USP12: variants seen among roughly 807,000 people sequenced by gnomAD.
The protein encoded by USP12 is ubiquitin specific peptidase 12, also known as ubiquitin carboxyl-terminal hydrolase 12.
Under a neutral mutation model 45.5 loss-of-function variants are expected in USP12, and 19 were observed. The observed-to-expected ratio is 0.42, with a 90% CI of 0.29 to 0.61. USP12 has a LOEUF of 0.61. USP12 is among the 20% of genes least tolerant of loss of function. The pLI is 0.22. For synonymous variants in USP12, 149 were observed against 148.8 expected (o/e 1.00, Z -0.01); for missense variants, 242 against 447.7 (o/e 0.54, Z 4.15).
intron 1 of USP12, among the ~76,000 whole-genome samples, chr13:27,122,647 A>G (rs529041718): frequency 6.6e-6 from 1 of 151,038 alleles, no homozygotes; most frequent in South Asian, 2.1e-4. Flanking sequence ...GTGAGACCCC[A>G]TCTCAAAATA....
intron 1 of USP12, among the ~76,000 whole-genome samples, chr13:27,133,553 G>C (rs1213606700): frequency 1.3e-5 from 2 of 151,568 alleles, no homozygotes; most frequent in African/African-American, 4.9e-5. Flanking sequence ...GCATGAACCT[G>C]GGAGGGCGGA....
chr13:27,116,522 T>C lies in USP12; in HGVS notation c.123A>G (p.Leu41=), dbSNP rs755679282. The C allele has an allele frequency of 8.1e-6, 13 of 1,613,434 alleles. No homozygotes were observed. In the African/African-American group the frequency reaches 1.7e-4, roughly 22 times the overall value. ...CGTATCAATGGATACTTACATTGAC[T>C]AATCCAAAATAGTGCTCATTGACCG... ...QFPVNEHYFG[L]VNFGNTCYCN... is the part of the protein sequence containing the mutation. Residue 41 remains leucine (L), a synonymous_variant, in exon 2 of 9, where the codon TTA becomes TTG. Transcript: ENST00000282344.
chr13:27,145,228 G>A (rs1877259314), intron 1 of USP12, among the ~76,000 whole-genome samples: 1 of 152,160 alleles, frequency 6.6e-6, no homozygotes, highest in Non-Finnish European at 1.5e-5. Flanking sequence ...AAGAATGACA[G>A]GTGGCCAAAA....
intron 1 of USP12, among the ~76,000 whole-genome samples, chr13:27,124,717 AAACAC>A (rs1216858473): frequency 1.3e-5 from 2 of 152,236 alleles, no homozygotes; most frequent in Non-Finnish European, 2.9e-5. Flanking sequence ...GTGAAGGTAT[AAACAC>A]AACAAAGAAG....
intron 7 of USP12, among the ~76,000 whole-genome samples, chr13:27,071,675 T>A (rs992719581): frequency 6.6e-6 from 1 of 152,150 alleles, no homozygotes; most frequent in African/African-American, 2.4e-5. Flanking sequence ...TAAAAGCAAA[T>A]GACCTTTGCT....
At chr13:27,152,995 C>G (rs563118339) in intron 1 of USP12, among the ~76,000 whole-genome samples, 3 of 145,620 alleles carry the variant, frequency 2.1e-5, no homozygotes, top group Middle Eastern at 4.1e-3. Context: ...TGTATGTCAA[C>G]TTGGAGTCTT....
intron 1 of USP12, among the ~76,000 whole-genome samples, chr13:27,120,191 G>A (rs1875919684): frequency 6.6e-6 from 1 of 152,092 alleles, no homozygotes; most frequent in African/African-American, 2.4e-5. Flanking sequence ...ATCACATAAT[G>A]GTCACATAAT....
intron 6 of USP12, among the ~76,000 whole-genome samples, chr13:27,083,783 A>G (rs1268810385): frequency 6.6e-6 from 1 of 152,294 alleles, no homozygotes; most frequent in Non-Finnish European, 1.5e-5. Context: ...ATCATAAAAT[A>G]CTAATTTTGT....
chr13:27,072,273 A>G (rs1043348865), intron 7 of USP12, among the ~76,000 whole-genome samples: 2 of 152,180 alleles, frequency 1.3e-5, no homozygotes, highest in African/African-American at 4.8e-5. Context: ...ATAAAGAAAA[A>G]TCAAAGAAAG....
chr13:27,158,381 G>A (rs1428688618), intron 1 of USP12, among the ~76,000 whole-genome samples: 1 of 152,180 alleles, frequency 6.6e-6, no homozygotes, highest in African/African-American at 2.4e-5. Context: ...TGGACTTCTA[G>A]CCTACAGAAT....
chr13:27,076,473 C>A (rs892589861), intron 6 of USP12, among the ~76,000 whole-genome samples: 3 of 152,204 alleles, frequency 2.0e-5, no homozygotes, highest in African/African-American at 7.2e-5. Flanking sequence ...TCTCTTCAAT[C>A]CTCCATCAGC....
chr13:27,125,445 G>A (rs1170875292), intron 1 of USP12, among the ~76,000 whole-genome samples: 8 of 152,210 alleles, frequency 5.3e-5, no homozygotes, highest in Non-Finnish European at 1.2e-4. Context: ...GAGTGCTGGA[G>A]AACTTGGAAA....
At chr13:27,132,474 G>T (rs1465038651) in intron 1 of USP12, among the ~76,000 whole-genome samples, 1 of 152,112 alleles carries the variant, frequency 6.6e-6, no homozygotes, top group Non-Finnish European at 1.5e-5. Flanking sequence ...CAGAAATATA[G>T]CCCTCACTCA....
intron 6 of USP12, chr13:27,078,074 T>G (rs929780924): frequency 6.6e-5 from 10 of 152,156 alleles, no homozygotes; most frequent in Non-Finnish European, 1.3e-4. Flanking sequence ...TTAAATTTAT[T>G]TTTTTAATGA....
chr13:27,145,271 T>C (rs1877261189), intron 1 of USP12, among the ~76,000 whole-genome samples: 1 of 152,228 alleles, frequency 6.6e-6, no homozygotes, highest in Non-Finnish European at 1.5e-5. Flanking sequence ...TTTCTCCATA[T>C]GGCAATGGTA....
chr13:27,157,575 A>G (rs993636622), intron 1 of USP12, among the ~76,000 whole-genome samples: 1 of 152,236 alleles, frequency 6.6e-6, no homozygotes, highest in African/African-American at 2.4e-5. Context: ...CCCTAAACCA[A>G]TATGAACCCA....
At chr13:27,136,951 G>A (rs7320316) in intron 1 of USP12, among the ~76,000 whole-genome samples, 7,318 of 152,160 alleles carry the variant, frequency 0.048, 219 homozygotes, top group Non-Finnish European at 0.056. Context: ...GTGCTTGGGG[G>A]TACATAATAC....
At chr13:27,106,216 C>A (rs1818449361) in intron 2 of USP12, among the ~76,000 whole-genome samples, 1 of 152,102 alleles carries the variant, frequency 6.6e-6, no homozygotes, top group African/African-American at 2.4e-5. Context: ...TGAAACGTTA[C>A]ATGAAAAAGT....
chr13:27,127,162 G>GCTA (rs1876279147), intron 1 of USP12, among the ~76,000 whole-genome samples: 1 of 152,176 alleles, frequency 6.6e-6, no homozygotes, highest in Non-Finnish European at 1.5e-5. Flanking sequence ...GAGACAATGA[G>GCTA]CTACTGAAAG....
Sources: gnomAD v4.1 joint callset for allele counts (sites outside exome capture counted in the v4.1 genomes callset) on GRCh38, gnomAD v4.1.1 for gene constraint, MANE v1.5 for transcripts, NCBI Gene and HGNC (gene_info 2026-07-23, HGNC 2026-07-21) for gene names.